RGS7: variants seen among roughly 807,000 people sequenced by gnomAD.
RGS7 encodes regulator of G-protein signaling 7.
RGS7 carries 27 observed loss-of-function variants against 81.1 expected under a neutral mutation model. That is an observed-to-expected ratio of 0.33 (90% CI 0.25 to 0.46). The LOEUF is 0.46. Among genes scored for constraint, RGS7 ranks in the 20% least tolerant of loss-of-function variants. The pLI is 1.00. For missense variants in RGS7, 396 were observed against 607.4 expected, an observed-to-expected ratio of 0.65 and a Z score of 3.66; for synonymous variants, 208 against 207.7, an observed-to-expected ratio of 1.00 and a Z score of -0.01.
At chr1:241,257,884 A>T (rs2077126610) in intron 2 of RGS7, among the ~76,000 whole-genome samples, 1 of 152,212 alleles carries the variant, frequency 6.6e-6, no homozygotes, top group South Asian at 2.1e-4. Flanking sequence ...TAGACTATAT[A>T]GTTCCTTTAT....
chr1:241,072,090 A>G (rs2062504593), intron 3 of RGS7, among the ~76,000 whole-genome samples: 1 of 152,168 alleles, frequency 6.6e-6, no homozygotes, highest in Non-Finnish European at 1.5e-5. Flanking sequence ...CAAGTGATCT[A>G]ACTGGTACAT....
At chr1:240,960,217 C>CTTCTTCTTTTTT (rs60911948) in intron 4 of RGS7, among the ~76,000 whole-genome samples, 1 of 8,956 alleles carries the variant, frequency 1.1e-4, no homozygotes, top group African/African-American at 3.8e-4. Context: ...TCTTCTTCTT[C>CTTCTTCTTTTTT]TTTTTTTTTT....
chr1:241,342,653 A>G (rs2082632640), intron 2 of RGS7, among the ~76,000 whole-genome samples: 1 of 152,238 alleles, frequency 6.6e-6, no homozygotes, highest in Admixed American at 6.5e-5. Flanking sequence ...CAGAAATCTT[A>G]GTGGTTGTAT....
chr1:240,950,551 T>C (rs1679389011), intron 4 of RGS7, among the ~76,000 whole-genome samples: 1 of 152,184 alleles, frequency 6.6e-6, no homozygotes, highest in South Asian at 2.1e-4. Flanking sequence ...ACAGGGGATC[T>C]ATACTTCTGG....
chr1:240,833,779 T>C (rs1454350026), intron 9 of RGS7, among the ~76,000 whole-genome samples: 1 of 152,090 alleles, frequency 6.6e-6, no homozygotes, highest in Non-Finnish European at 1.5e-5. Flanking sequence ...GAAGTAACTA[T>C]AGATTTTAAA....
At chr1:241,218,907 G>T (rs2686233) in intron 2 of RGS7, among the ~76,000 whole-genome samples, 43,442 of 151,868 alleles carry the variant, frequency 0.29, 6,593 homozygotes, top group African/African-American at 0.4. Context: ...AGTTTTCTGG[G>T]GATGCTGCTG....
chr1:240,996,634 C>T (rs74149575), intron 3 of RGS7, among the ~76,000 whole-genome samples: 3,904 of 152,180 alleles, frequency 0.026, 163 homozygotes, highest in African/African-American at 0.09. Flanking sequence ...TTCCTTTAAT[C>T]AATTTTGCAC....
At chr1:241,199,827 G>A (rs372123258) in intron 2 of RGS7, among the ~76,000 whole-genome samples, 2 of 152,106 alleles carry the variant, frequency 1.3e-5, no homozygotes, top group African/African-American at 2.4e-5. Flanking sequence ...ACCTCAGTCC[G>A]TCAATCAGAA....
intron 3 of RGS7, among the ~76,000 whole-genome samples, chr1:241,042,191 A>G (rs1259140085): frequency 6.6e-6 from 1 of 152,174 alleles, no homozygotes. Context: ...TCATCTCTTA[A>G]CTACAATCTA....
intron 6 of RGS7, among the ~76,000 whole-genome samples, chr1:240,899,262 T>C (rs1026469046): frequency 1.3e-5 from 2 of 152,216 alleles, no homozygotes; most frequent in Non-Finnish European, 2.9e-5. Flanking sequence ...TGTCTTTTAA[T>C]TGAAGCATTT....
intron 2 of RGS7, among the ~76,000 whole-genome samples, chr1:241,146,958 T>C (rs756663312): frequency 3.3e-5 from 5 of 152,184 alleles, no homozygotes; most frequent in Admixed American, 1.3e-4. Flanking sequence ...TACCATCGTA[T>C]TGGGGGTGAG....
intron 14 of RGS7, among the ~76,000 whole-genome samples, chr1:240,807,610 T>C (rs1689088913): frequency 6.6e-6 from 1 of 152,190 alleles, no homozygotes; most frequent in Non-Finnish European, 1.5e-5. Flanking sequence ...TTTTTATAGA[T>C]ATATGTAGCA....
At chr1:240,982,592 A>C (rs1685084420) in intron 4 of RGS7, among the ~76,000 whole-genome samples, 1 of 152,184 alleles carries the variant, frequency 6.6e-6, no homozygotes, top group African/African-American at 2.4e-5. Context: ...TTTATGACTT[A>C]AATAGAGCGT....
At chr1:241,172,814 A>G (rs2070830967) in intron 2 of RGS7, among the ~76,000 whole-genome samples, 1 of 152,246 alleles carries the variant, frequency 6.6e-6, no homozygotes, top group Non-Finnish European at 1.5e-5. Flanking sequence ...TAAGTAGTGG[A>G]GATGATTTAC....
Position 241,302,857 on chromosome 1 carries a change from C to T in RGS7, c.78+52842G>A, listed in dbSNP as rs565687061. 6.8e-5 allele frequency among the ~76,000 whole-genome samples: 10 copies of T among 147,060 alleles called. No individual in the cohort carries two copies. The South Asian group carries it at 2.0e-3, about 29-fold the overall frequency. On this transcript the variant is annotated intron_variant, in intron 2 of 18. Coordinates refer to ENST00000440928, the MANE Select transcript of RGS7 (RefSeq NM_001364886.1). The stretch of plus-strand genomic sequence containing the variant: ...TATTTCAGTAGGGATCTCTAAAAGA[C>T]AGGCATTCTTTTCTTTCTTTCTTTC...
At chr1:240,952,318 T>C (rs867545007) in intron 4 of RGS7, among the ~76,000 whole-genome samples, 2 of 152,016 alleles carry the variant, frequency 1.3e-5, no homozygotes, top group South Asian at 4.1e-4. Context: ...TTATAAAATA[T>C]GGATAAGTGA....
intron 11 of RGS7, among the ~76,000 whole-genome samples, chr1:240,815,192 G>A (rs10926360): frequency 6.6e-6 from 1 of 151,562 alleles, no homozygotes; most frequent in African/African-American, 2.4e-5. Context: ...TATACAAAAA[G>A]TAGCCAGGTG....
At chr1:241,292,356 T>A (rs993775186) in intron 2 of RGS7, among the ~76,000 whole-genome samples, 2 of 152,170 alleles carry the variant, frequency 1.3e-5, no homozygotes, top group Non-Finnish European at 2.9e-5. Flanking sequence ...TTTATTCAAC[T>A]AGCAGCTTAG....
At chr1:241,273,433 T>C (rs1254973736) in intron 2 of RGS7, among the ~76,000 whole-genome samples, 1 of 64,756 alleles carries the variant, frequency 1.5e-5, no homozygotes, top group African/African-American at 4.9e-5. Flanking sequence ...TGTCAGTCCA[T>C]CTGTTAGCTT....
Sources: allele counts gnomAD v4.1 joint callset (sites outside exome capture counted in the v4.1 genomes callset), GRCh38; gene constraint gnomAD v4.1.1; transcripts MANE v1.5; gene names NCBI Gene and HGNC (gene_info 2026-07-23, HGNC 2026-07-21).